KSR1: variants seen among roughly 807,000 people sequenced by gnomAD.
KSR1 encodes the protein kinase suppressor of ras 1, also known as kinase suppressor of ras.
A neutral mutation model predicts 92.9 loss-of-function variants in KSR1; 35 were observed. The observed-to-expected ratio is 0.38, with a 90% CI of 0.29 to 0.50. KSR1 has a LOEUF of 0.50. Among genes scored for constraint, KSR1 ranks in the 20% least tolerant of loss-of-function variants. The pLI, the probability that KSR1 is intolerant of heterozygous loss-of-function variation, is 0.94. For missense variants in KSR1, 972 were observed against 1,158.5 expected (o/e 0.84, Z 2.34); for synonymous variants, 467 against 472.6 (o/e 0.99, Z 0.15).
chr17:27,610,137 A>T lies in KSR1; in HGVS notation c.2296A>T (p.Thr766Ser). 6.2e-7 allele frequency: 1 copy of T among 1,613,964 alleles called. No individual in the cohort carries two copies. The highest frequency in any genetic ancestry group is 1.3e-5 in the African/African-American group (1 of 75,052). Residue 766 changes from threonine (T) to serine (S), a missense_variant, in exon 17 of 21, where the codon ACC (threonine) becomes TCC (serine). This residue lies in a region of KSR1 where 260 missense variants were observed against 375.2 expected (regional missense o/e 0.69). Transcript: ENST00000644974. The part of the protein sequence containing the change: ...YLAPEIVREM[T>S]PGKDEDQLPF... ...GGCCCCTGAGATTGTACGCGAGATG[A>T]CCCCCGGGAAGGACGAGGATCAGCT...
intron 6 of KSR1, among the ~76,000 whole-genome samples, chr17:27,590,268 TTTTAACTTGACAATGTGATTTGGAGATCA>T (rs1474588129): frequency 1.3e-5 from 2 of 152,264 alleles, no homozygotes; most frequent in African/African-American, 4.8e-5. Flanking sequence ...TACCTTACTT[TTTTAACTTGACAATGTGATTTGGAGATCA>T]TTCCGTATTT....
chr17:27,478,562 T>C (rs1268604534), intron 1 of KSR1, among the ~76,000 whole-genome samples: 3 of 152,110 alleles, frequency 2.0e-5, no homozygotes, highest in Admixed American at 2.0e-4. Context: ...ACATGAGCTG[T>C]CCATTATTGT....
chr17:27,504,811 G>A (rs545020228), intron 1 of KSR1, among the ~76,000 whole-genome samples: 10 of 152,302 alleles, frequency 6.6e-5, no homozygotes, highest in Non-Finnish European at 1.2e-4. Context: ...CTCCTTCAGC[G>A]GCTTGGAGAA....
chr17:27,493,541 C>T (rs1009329184), intron 1 of KSR1, among the ~76,000 whole-genome samples: 2 of 152,198 alleles, frequency 1.3e-5, no homozygotes, highest in African/African-American at 4.8e-5. Context: ...CTGATGATTC[C>T]ATTTCTGTCT....
chr17:27,522,993 C>T (rs1254267795), intron 1 of KSR1, among the ~76,000 whole-genome samples: 1 of 152,162 alleles, frequency 6.6e-6, no homozygotes, highest in African/African-American at 2.4e-5. Context: ...AGAAATACAG[C>T]ATGGGGAGGG....
chr17:27,480,084 C>G (rs2068466516), intron 1 of KSR1, among the ~76,000 whole-genome samples: 1 of 152,182 alleles, frequency 6.6e-6, no homozygotes, highest in Non-Finnish European at 1.5e-5. Context: ...GACTCTCATT[C>G]CACTTGGGGC....
chr17:27,600,090 CTTTTTTT>C (rs552526373), intron 10 of KSR1, among the ~76,000 whole-genome samples: 5 of 115,304 alleles, frequency 4.3e-5, no homozygotes, highest in African/African-American at 1.6e-4. Flanking sequence ...TTACAGATAA[CTTTTTTT>C]TTTTTTTTTT....
At chr17:27,568,441 T>G (rs2072171566) in intron 2 of KSR1, among the ~76,000 whole-genome samples, 2 of 152,268 alleles carry the variant, frequency 1.3e-5, no homozygotes, top group Non-Finnish European at 2.9e-5. Context: ...TTTGATAGTC[T>G]GGACGCCCTC....
chr17:27,621,634 A>G (rs754900880), intron 20 of KSR1, among the ~76,000 whole-genome samples: 5 of 152,166 alleles, frequency 3.3e-5, no homozygotes, highest in African/African-American at 1.2e-4. Context: ...TACTCTTGGA[A>G]GTAGATTTTA....
chr17:27,564,915 G>A (rs1397726637), intron 2 of KSR1, among the ~76,000 whole-genome samples: 3 of 152,144 alleles, frequency 2.0e-5, no homozygotes, highest in East Asian at 1.9e-4. Context: ...CTAGACTACA[G>A]TAGGTGAGCC....
intron 1 of KSR1, among the ~76,000 whole-genome samples, chr17:27,481,357 C>T (rs947109546): frequency 2.0e-5 from 3 of 152,172 alleles, no homozygotes; most frequent in Non-Finnish European, 4.4e-5. Flanking sequence ...GGGAATTGGA[C>T]TGGCTGATTT....
chr17:27,607,871 C>A, intron 14 of KSR1, 43 bp from the exon 15 acceptor site: 2 of 1,472,032 alleles, frequency 1.4e-6, no homozygotes, highest in Non-Finnish European at 1.9e-6. Context: ...GGTCAGGCCG[C>A]ACCAGCCCCA....
chr17:27,510,942 T>G (rs1207587971), intron 1 of KSR1, among the ~76,000 whole-genome samples: 2 of 152,178 alleles, frequency 1.3e-5, no homozygotes, highest in Non-Finnish European at 2.9e-5. Context: ...TCCCCATTCC[T>G]TGATTCTCAC....
intron 10 of KSR1, among the ~76,000 whole-genome samples, chr17:27,601,074 TCA>T (rs1288417946): frequency 6.6e-6 from 1 of 152,266 alleles, no homozygotes; most frequent in African/African-American, 2.4e-5. Context: ...CCTTCTGGGC[TCA>T]CATGCATTTC....
At chr17:27,602,811 C>A (rs530026028) in intron 11 of KSR1, among the ~76,000 whole-genome samples, 17 of 152,326 alleles carry the variant, frequency 1.1e-4, no homozygotes, top group Non-Finnish European at 2.2e-4. Context: ...GGATGTTGGG[C>A]ACATGTGTGC....
At chr17:27,525,433 C>T (rs73271966) in intron 1 of KSR1, among the ~76,000 whole-genome samples, 10,225 of 152,264 alleles carry the variant, frequency 0.067, 453 homozygotes, top group South Asian at 0.16. Flanking sequence ...GCATCAGTTT[C>T]GTTGGAGAGA....
intron 1 of KSR1, among the ~76,000 whole-genome samples, chr17:27,498,520 C>T (rs2069071805): frequency 6.6e-6 from 1 of 152,148 alleles, no homozygotes; most frequent in African/African-American, 2.4e-5. Flanking sequence ...CAGTGGTTCT[C>T]AAACTTTTGT....
intron 1 of KSR1, among the ~76,000 whole-genome samples, chr17:27,528,905 A>C (rs976975690): frequency 2.6e-5 from 4 of 152,196 alleles, no homozygotes; most frequent in Admixed American, 2.6e-4. Context: ...CCCTGTCTCT[A>C]CTGGAAAAAA....
rs529602282 is a variant in KSR1 at position 27,605,988 on chromosome 17, A to G, written c.1994+175A>G. On this transcript the variant is annotated intron_variant, in intron 14 of 20. Coordinates refer to ENST00000644974, the MANE Select transcript of KSR1 (RefSeq NM_001394583.1). The stretch of plus-strand genomic sequence containing the variant: ...CATAACCGCATTGACACTAAAAAAT[A>G]AATAAATATGGGCTGGTGCAGTGGC... Among the ~76,000 whole-genome samples, 13 of 152,382 alleles carry G rather than the reference A, an allele frequency of 8.5e-5. 1 individual carries two copies. In the South Asian group the frequency reaches 2.5e-3, roughly 29 times the overall value.
Sources: allele counts gnomAD v4.1 joint callset (sites outside exome capture counted in the v4.1 genomes callset), GRCh38; gene constraint gnomAD v4.1.1; regional missense constraint gnomAD v4.1.1; transcripts MANE v1.5; gene names NCBI Gene and HGNC (gene_info 2026-07-23, HGNC 2026-07-21).